SIPA1L3: variants seen among roughly 807,000 people sequenced by gnomAD.
SIPA1L3 encodes the protein signal-induced proliferation-associated 1-like protein 3.
SIPA1L3 carries 59 observed loss-of-function variants against 150.1 expected under a neutral mutation model. The ratio of observed to expected loss-of-function variants is 0.39; its 90% CI spans 0.32 to 0.49. The LOEUF (loss-of-function observed/expected upper bound fraction) is 0.49, where lower values mean the gene tolerates loss of function less well. Ranked by LOEUF, SIPA1L3 falls within the 20% of genes least tolerant of loss-of-function variation. The probability of loss-of-function intolerance (pLI) is 0.86; values close to 1 mark genes in which losing one functional copy is unlikely to be tolerated. For synonymous variants in SIPA1L3, 1,070 were observed against 1,077.6 expected, an observed-to-expected ratio of 0.99 and a Z score of 0.14; for missense variants, 2,211 against 2,489.5, an observed-to-expected ratio of 0.89 and a Z score of 2.38.
At chr19:38,124,196 C>T (rs550690166) in intron 9 of SIPA1L3, among the ~76,000 whole-genome samples, 390 of 151,766 alleles carry the variant, frequency 2.6e-3, no homozygotes, top group Non-Finnish European at 4.5e-3. Context: ...GGTCTCCTCA[C>T]TTCTCAGACG....
chr19:38,092,063 CAAAAA>C (rs58074748), intron 4 of SIPA1L3, among the ~76,000 whole-genome samples: 1 of 96,974 alleles, frequency 1.0e-5, no homozygotes, highest in Non-Finnish European at 2.2e-5. Flanking sequence ...GACTCCATCT[CAAAAA>C]AAAAAAAAAA....
intron 13 of SIPA1L3, among the ~76,000 whole-genome samples, chr19:38,154,524 C>T (rs1378562425): frequency 3.3e-5 from 5 of 151,818 alleles, no homozygotes; most frequent in Non-Finnish European, 5.9e-5. Context: ...CTCGGCTCAC[C>T]GCAACCTCCA....
intron 1 of SIPA1L3, among the ~76,000 whole-genome samples, chr19:37,917,727 G>A (rs529712295): frequency 9.2e-5 from 14 of 152,238 alleles, no homozygotes; most frequent in Admixed American, 4.6e-4. Flanking sequence ...TTCTGAGGCC[G>A]GTCGTAGAAG....
intron 15 of SIPA1L3, among the ~76,000 whole-genome samples, chr19:38,166,245 G>A (rs1472883627): frequency 6.6e-6 from 1 of 151,778 alleles, no homozygotes; most frequent in Admixed American, 6.6e-5. Flanking sequence ...CATGAGGTCA[G>A]GAGATCCAGA....
At chr19:38,040,673 T>A (rs973292312) in intron 2 of SIPA1L3, among the ~76,000 whole-genome samples, 3 of 152,226 alleles carry the variant, frequency 2.0e-5, no homozygotes, top group African/African-American at 7.2e-5. Context: ...TTAAAAAAAA[T>A]TCAAAATTCT....
chr19:37,973,436 T>C (rs1290034200), intron 1 of SIPA1L3, among the ~76,000 whole-genome samples: 1 of 147,616 alleles, frequency 6.8e-6, no homozygotes, highest in African/African-American at 2.5e-5. Flanking sequence ...GGTTTCACCA[T>C]ATTGGCCAGG....
intron 1 of SIPA1L3, among the ~76,000 whole-genome samples, chr19:37,965,076 T>A (rs1277727191): frequency 6.6e-6 from 1 of 152,162 alleles, no homozygotes; most frequent in African/African-American, 2.4e-5. Context: ...TTCAAGAAAA[T>A]TTCTTTCCTA....
intron 3 of SIPA1L3, among the ~76,000 whole-genome samples, chr19:38,085,449 C>T (rs935084653): frequency 1.5e-5 from 2 of 137,760 alleles, no homozygotes; most frequent in Non-Finnish European, 3.0e-5. Context: ...CACTGCGCTC[C>T]AGCCTGGGCA....
chr19:37,994,728 G>A (rs1354267915), intron 1 of SIPA1L3, among the ~76,000 whole-genome samples: 1 of 152,186 alleles, frequency 6.6e-6, no homozygotes, highest in Non-Finnish European at 1.5e-5. Context: ...GTGAGTGAGT[G>A]CCAAGCACTT....
At chr19:38,100,542 T>C (rs1203177488) in intron 5 of SIPA1L3, among the ~76,000 whole-genome samples, 1 of 152,152 alleles carries the variant, frequency 6.6e-6, no homozygotes, top group Non-Finnish European at 1.5e-5. Context: ...CTGACCCTGG[T>C]CACAGGAGAG....
chr19:38,158,351 G>C (rs777064978), intron 13 of SIPA1L3, among the ~76,000 whole-genome samples: 30 of 152,330 alleles, frequency 2.0e-4, no homozygotes, highest in Admixed American at 9.8e-4. Context: ...AAGTCAGTGG[G>C]GATGAGAACA....
At position 37,985,457 on chromosome 19, in the gene SIPA1L3, G is replaced by C. The variant is rs138588278; in HGVS notation, c.-378-43632G>C. ...ACAGGAGGATCACTTGAAGCCAGGAGTTCAAAACCAGCCTAGACAATAGAG... is the reference window on the plus strand; with the variant it reads ...ACAGGAGGATCACTTGAAGCCAGGACTTCAAAACCAGCCTAGACAATAGAG... On this transcript the variant is annotated intron_variant, in intron 1 of 21. Transcript: ENST00000222345. 7.7e-3 allele frequency among the ~76,000 whole-genome samples: 1,174 copies of C among 152,220 alleles called. 24 individuals are homozygous for C. Among genetic ancestry groups the C allele is most frequent in the African/African-American group, 0.027 (1,128 of 41,536 alleles).
chr19:38,009,875 G>A (rs1360481919), intron 1 of SIPA1L3, among the ~76,000 whole-genome samples: 1 of 152,166 alleles, frequency 6.6e-6, no homozygotes, highest in Non-Finnish European at 1.5e-5. Context: ...ATGTCGCAAA[G>A]CCCTGCTGTC....
intron 8 of SIPA1L3, among the ~76,000 whole-genome samples, chr19:38,115,894 G>A (rs1402718035): frequency 6.6e-6 from 1 of 152,146 alleles, no homozygotes; most frequent in Non-Finnish European, 1.5e-5. Flanking sequence ...CAGGGACCAC[G>A]TTATCCCCAA....
intron 11 of SIPA1L3, among the ~76,000 whole-genome samples, chr19:38,142,294 G>T (rs1307817402): frequency 2.0e-5 from 3 of 152,232 alleles, no homozygotes; most frequent in Admixed American, 6.5e-5. Flanking sequence ...AGGCGAGAAT[G>T]GTCTTGAGCA....
intron 1 of SIPA1L3, among the ~76,000 whole-genome samples, chr19:37,933,535 A>C (rs1287703863): frequency 4.6e-5 from 7 of 152,212 alleles, no homozygotes; most frequent in African/African-American, 1.7e-4. Flanking sequence ...CGTTCCTGGC[A>C]CGTGGTAGAT....
intron 1 of SIPA1L3, among the ~76,000 whole-genome samples, chr19:37,992,535 C>T (rs1967535010): frequency 1.3e-5 from 2 of 152,080 alleles, no homozygotes; most frequent in Admixed American, 6.5e-5. Flanking sequence ...CATGTAATCC[C>T]AGCTACATGG....
intron 8 of SIPA1L3, among the ~76,000 whole-genome samples, chr19:38,111,348 T>C (rs1412348152): frequency 1.3e-5 from 2 of 152,162 alleles, no homozygotes; most frequent in African/African-American, 4.8e-5. Flanking sequence ...TTTTCGTACC[T>C]GTACATGAAG....
intron 1 of SIPA1L3, among the ~76,000 whole-genome samples, chr19:37,930,013 C>T (rs922517892): frequency 8.3e-5 from 12 of 144,030 alleles, no homozygotes; most frequent in East Asian, 2.1e-4. Context: ...TGCATGCCAC[C>T]GTGCCTGGCA....
Sources: gnomAD v4.1 joint callset for allele counts (sites outside exome capture counted in the v4.1 genomes callset) on GRCh38, gnomAD v4.1.1 for gene constraint, MANE v1.5 for transcripts, NCBI Gene and HGNC (gene_info 2026-07-23, HGNC 2026-07-21) for gene names.